NEXMIF: variants seen among roughly 807,000 people sequenced by gnomAD.
NEXMIF encodes XLMR protein related to neurite extension.
In NEXMIF, 8 loss-of-function variants were observed where a neutral mutation model predicts 62.1. The ratio of observed to expected loss-of-function variants is 0.13; its 90% CI spans 0.08 to 0.23. NEXMIF has a LOEUF of 0.23. NEXMIF is among the 10% of genes least tolerant of loss of function. NEXMIF has a pLI of 1.00. For synonymous variants in NEXMIF, 404 were observed against 416.6 expected (o/e 0.97, Z 0.37); for missense variants, 976 against 1,113.3 (o/e 0.88, Z 1.75).
In NEXMIF at chrX:74,925,176, C is replaced by G. The variant is rs754649116; in HGVS notation, c.-341G>C. 208 of 116,081 alleles carry G rather than the reference C, an allele frequency of 1.8e-3. No homozygotes were observed. Among genetic ancestry groups the G allele is most frequent in the Non-Finnish European group, 3.2e-3 (174 of 55,115 alleles). 9.6% of individuals were successfully genotyped at this position (116,081 alleles called of 1,213,427 possible). A position where few individuals can be genotyped will look rare whatever the true frequency, so the allele number is the denominator to read the frequency against. On this transcript the variant is annotated 5_prime_UTR_variant, in exon 1 of 4. Transcript: ENST00000055682. ...GCTCTGGCCCTGAAACTCAGAGCCT[C>G]CGCGGCTGCCCGGCTGCTCCAAGGG...
intron 1 of NEXMIF, among the ~76,000 whole-genome samples, chrX:74,886,457 G>C (rs2080693746): frequency 1.8e-5 from 2 of 111,876 alleles, no homozygotes; most frequent in Admixed American, 9.5e-5. Context: ...AAAGTCTCAG[G>C]ATAGAAAATC....
At chrX:74,875,477 A>C (rs1020001325) in intron 1 of NEXMIF, among the ~76,000 whole-genome samples, 11 of 111,736 alleles carry the variant, frequency 9.8e-5, no homozygotes, top group African/African-American at 1.6e-4. Flanking sequence ...TGTCTCTGCC[A>C]GGCTTTGGTA....
intron 1 of NEXMIF, among the ~76,000 whole-genome samples, chrX:74,774,966 T>C (rs1328558703): frequency 1.8e-5 from 2 of 111,937 alleles, no homozygotes; most frequent in Non-Finnish European, 3.8e-5. Context: ...TATCATTATG[T>C]GCCTAGATCA....
chrX:74,775,647 G>T (rs932223225), intron 1 of NEXMIF, among the ~76,000 whole-genome samples: 18 of 111,267 alleles, frequency 1.6e-4, no homozygotes, highest in Non-Finnish European at 3.4e-4. Flanking sequence ...TTTTTAGGTG[G>T]GTTAACATGA....
In NEXMIF at chrX:74,743,432, C is replaced by A. The variant is rs1300706350; in HGVS notation, c.1125G>T (p.Glu375Asp). The part of the protein sequence containing the change: ...KVPDVSIIWG[E>D]EDKNLDKKKG... ...TCTTCTTGTCCAAGTTTTTATCTTC[C>A]TCCCCCCAGATGATGCTCACATCAG... Residue 375 changes from glutamate to aspartate, a missense_variant, in exon 3 of 4, where the codon GAG (glutamate) becomes GAT (aspartate). By Grantham distance (45) the Glu-to-Asp change is conservative. Transcript: ENST00000055682. 2.5e-6 allele frequency: 3 copies of A among 1,208,982 alleles called. No homozygotes were observed. Among genetic ancestry groups the A allele is most frequent in the Non-Finnish European group, 3.4e-6 (3 of 894,901 alleles).
intron 1 of NEXMIF, among the ~76,000 whole-genome samples, chrX:74,884,349 G>T (rs1312236472): frequency 9.0e-6 from 1 of 111,698 alleles, no homozygotes; most frequent in East Asian, 2.8e-4. Context: ...GAACAGACTG[G>T]CAAATTGGAT....
intron 1 of NEXMIF, among the ~76,000 whole-genome samples, chrX:74,898,483 G>T (rs1273792482): frequency 2.7e-5 from 3 of 111,417 alleles, no homozygotes; most frequent in African/African-American, 9.8e-5. Context: ...TGGTATCCTG[G>T]ATGGGATTTC....
intron 1 of NEXMIF, among the ~76,000 whole-genome samples, chrX:74,850,373 C>T (rs905008991): frequency 8.9e-6 from 1 of 112,433 alleles, no homozygotes; most frequent in Non-Finnish European, 1.9e-5. Flanking sequence ...AGGACCACCA[C>T]TACCACTTCT....
intron 1 of NEXMIF, among the ~76,000 whole-genome samples, chrX:74,869,512 T>C (rs2080592538): frequency 8.9e-6 from 1 of 111,761 alleles, no homozygotes; most frequent in Non-Finnish European, 1.9e-5. Flanking sequence ...GCATCCAAAT[T>C]GGAAATGAAG....
intron 1 of NEXMIF, among the ~76,000 whole-genome samples, chrX:74,834,134 CAA>C (rs60340857): frequency 2.1e-4 from 11 of 53,178 alleles, no homozygotes; most frequent in African/African-American, 3.6e-4. Context: ...AACTCCATCT[CAA>C]AAAAAAAAAA....
chrX:74,830,183 G>T (rs1163993071), intron 1 of NEXMIF, among the ~76,000 whole-genome samples: 3 of 111,820 alleles, frequency 2.7e-5, no homozygotes, highest in African/African-American at 9.7e-5. Flanking sequence ...ATAGTTTGAG[G>T]TCTAAGATTT....
intron 1 of NEXMIF, among the ~76,000 whole-genome samples, chrX:74,760,608 A>G (rs2080172962): frequency 9.0e-6 from 1 of 111,540 alleles, no homozygotes; most frequent in Non-Finnish European, 1.9e-5. Context: ...GAGATGCTGA[A>G]TTTTAACAAA....
rs751141907 is a variant in NEXMIF at position 74,741,161 on chromosome X, A to G, written c.3396T>C (p.Asn1132=). The G allele has an allele frequency of 3.8e-5, 46 of 1,209,224 alleles. No homozygotes were observed. The highest frequency in any genetic ancestry group is 5.0e-5 in the Non-Finnish European group (45 of 894,822). The change falls in exon 3 of 4, where the codon AAT becomes AAC. Residue 1132 remains asparagine, a synonymous_variant. Transcript: ENST00000055682. ...ACATATGGAACTGAAACTGGTGATTATTTAAAGTAAATCCATCCTCCATTT... is the reference window on the plus strand; with the variant it reads ...ACATATGGAACTGAAACTGGTGATTGTTTAAAGTAAATCCATCCTCCATTT... The part of the protein sequence containing the change: ...QVQMEDGFTL[N]NHQFQFHMFN...
rs187970115 is a variant in NEXMIF, at chrX:74,875,875, T to C, written c.-48+49008A>G. Among the ~76,000 whole-genome samples, 7 of 111,892 alleles carry C rather than the reference T, an allele frequency of 6.3e-5. No homozygotes were observed. In the East Asian group the frequency reaches 1.7e-3, roughly 27 times the overall value. On this transcript the variant is annotated intron_variant, in intron 1 of 3. Coordinates refer to ENST00000055682, the MANE Select transcript of NEXMIF (RefSeq NM_001008537.3). ...TCATTTTTTATTGTGTCTATTTGAT[T>C]CTTCTCTCTTTTTTTCCTTATTAGT... is the stretch of plus-strand genomic sequence containing the variant.
intron 1 of NEXMIF, among the ~76,000 whole-genome samples, chrX:74,897,199 A>G (rs747009523): frequency 8.9e-6 from 1 of 111,841 alleles, no homozygotes; most frequent in Non-Finnish European, 1.9e-5. Context: ...AGGTTACTGG[A>G]GTAAGAGTCA....
intron 1 of NEXMIF, among the ~76,000 whole-genome samples, chrX:74,895,184 A>G (rs2080729207): frequency 8.9e-6 from 1 of 112,443 alleles, no homozygotes; most frequent in African/African-American, 3.2e-5. Context: ...GAACAATCTG[A>G]AAAAGAAATC....
intron 1 of NEXMIF, among the ~76,000 whole-genome samples, chrX:74,876,082 T>G (rs771049518): frequency 5.7e-4 from 63 of 111,210 alleles, no homozygotes; most frequent in Non-Finnish European, 1.1e-3. Context: ...TTTGTGATGT[T>G]AGGGTGTCAA....
At chrX:74,759,528 A>T (rs756057800) in intron 1 of NEXMIF, among the ~76,000 whole-genome samples, 1 of 112,153 alleles carries the variant, frequency 8.9e-6, no homozygotes, top group African/African-American at 3.2e-5. Context: ...TGGGTTTTAC[A>T]TTTAAGTCTT....
intron 1 of NEXMIF, among the ~76,000 whole-genome samples, chrX:74,875,534 T>G (rs1334105641): frequency 1.8e-5 from 2 of 112,136 alleles, no homozygotes; most frequent in Non-Finnish European, 3.8e-5. Context: ...GGAGTCCCTC[T>G]TTTTCTATTG....
Sources: gnomAD v4.1 joint callset for allele counts (sites outside exome capture counted in the v4.1 genomes callset) on GRCh38, gnomAD v4.1.1 for gene constraint, MANE v1.5 for transcripts, NCBI Gene and HGNC (gene_info 2026-07-23, HGNC 2026-07-21) for gene names.